Variants in ANO10 observed in about 807,000 individuals in gnomAD.
The protein encoded by ANO10 is anoctamin-10.
A neutral mutation model predicts 74.7 loss-of-function variants in ANO10; 77 were observed. That is an observed-to-expected ratio of 1.03 (90% CI 0.86 to 1.25). The LOEUF (loss-of-function observed/expected upper bound fraction) is 1.25. ANO10 is among the 50% of genes most tolerant of loss of function. ANO10 has a pLI of 0.00. For missense variants in ANO10, 721 were observed against 778.1 expected, an observed-to-expected ratio of 0.93 and a Z score of 0.87; for synonymous variants, 279 against 284.9, an observed-to-expected ratio of 0.98 and a Z score of 0.21.
chr3:43,642,789 T>C (rs2083683411), intron 1 of ANO10, among the ~76,000 whole-genome samples: 1 of 152,158 alleles, frequency 6.6e-6, no homozygotes, highest in South Asian at 2.1e-4. Flanking sequence ...TATAGCATAC[T>C]ATACTAACTT....
intron 2 of ANO10, among the ~76,000 whole-genome samples, chr3:43,604,088 T>A (rs567879915): frequency 6.6e-6 from 1 of 152,184 alleles, no homozygotes; most frequent in African/African-American, 2.4e-5. Context: ...TATTTATTTT[T>A]ATTTTAATTG....
chr3:43,557,506 C>G (rs750690675), intron 9 of ANO10, among the ~76,000 whole-genome samples: 1 of 151,368 alleles, frequency 6.6e-6, no homozygotes, highest in Non-Finnish European at 1.5e-5. Flanking sequence ...GAGGCCGAGG[C>G]GGGTGGATCA....
At chr3:43,425,681 G>A (rs1559531847) in intron 12 of ANO10, among the ~76,000 whole-genome samples, 1 of 152,096 alleles carries the variant, frequency 6.6e-6, no homozygotes, top group Non-Finnish European at 1.5e-5. Context: ...ACCCTTTGTG[G>A]CAGTAAGATA....
At chr3:43,558,039 A>C (rs2079844945) in intron 9 of ANO10, among the ~76,000 whole-genome samples, 1 of 143,270 alleles carries the variant, frequency 7.0e-6, no homozygotes, top group Non-Finnish European at 1.5e-5. Flanking sequence ...TGGGAGGTTG[A>C]GGTTGCAGTG....
intron 11 of ANO10, among the ~76,000 whole-genome samples, chr3:43,495,051 T>C (rs1378860973): frequency 6.6e-6 from 1 of 151,954 alleles, no homozygotes; most frequent in Non-Finnish European, 1.5e-5. Context: ...CAAAACAATA[T>C]GGATTGGCTC....
intron 11 of ANO10, among the ~76,000 whole-genome samples, chr3:43,471,910 C>G (rs1321652861): frequency 6.6e-6 from 1 of 152,030 alleles, no homozygotes. Context: ...CAGTGAAGAT[C>G]ACAAATAAAT....
intron 11 of ANO10, among the ~76,000 whole-genome samples, chr3:43,479,410 T>TGGTCAATC (rs1360936879): frequency 6.6e-6 from 1 of 152,194 alleles, no homozygotes; most frequent in Non-Finnish European, 1.5e-5. Flanking sequence ...ATTCAGAAGT[T>TGGTCAATC]GGTCAATCTA....
In ANO10 at chr3:43,366,414, G is replaced by C. The variant is rs1480266184; in HGVS notation, c.*492C>G. ...GGGTCTGTTAATGTATTGCAAAAGA[G>C]AACCAGGAAAGAGGTCCAGTGTGGG... On this transcript the variant is annotated 3_prime_UTR_variant, in exon 13 of 13. Transcript: ENST00000292246. The C allele has an allele frequency of 4.3e-6, 1 of 232,008 alleles. No individual in the cohort carries two copies. The highest frequency in any genetic ancestry group is 8.6e-6 in the Non-Finnish European group (1 of 115,858). The allele number at this position is 232,008 out of a possible 1,614,324, so 14.4% of individuals were successfully genotyped here.
intron 11 of ANO10, among the ~76,000 whole-genome samples, chr3:43,527,814 G>A (rs1222360585): frequency 6.6e-6 from 1 of 152,092 alleles, no homozygotes; most frequent in Non-Finnish European, 1.5e-5. Context: ...CTAAGAAAAG[G>A]TCTGTGAACT....
chr3:43,401,219 G>A (rs182866117), intron 12 of ANO10, among the ~76,000 whole-genome samples: 39 of 152,250 alleles, frequency 2.6e-4, no homozygotes, highest in African/African-American at 8.4e-4. Context: ...CATTTATGAA[G>A]GACGTGCTAG....
At chr3:43,659,574 A>G (rs1475886394) in intron 1 of ANO10, among the ~76,000 whole-genome samples, 1 of 152,198 alleles carries the variant, frequency 6.6e-6, no homozygotes, top group Non-Finnish European at 1.5e-5. Context: ...GTGGTAGGGA[A>G]GCTGGAACTG....
At chr3:43,558,404 G>C (rs946440616) in intron 9 of ANO10, among the ~76,000 whole-genome samples, 1 of 152,006 alleles carries the variant, frequency 6.6e-6, no homozygotes, top group African/African-American at 2.4e-5. Flanking sequence ...GGACAGCAGA[G>C]GACAGTGAAG....
At chr3:43,417,085 G>A (rs2148904701) in intron 12 of ANO10, among the ~76,000 whole-genome samples, 1 of 152,300 alleles carries the variant, frequency 6.6e-6, no homozygotes. Flanking sequence ...GGCAGATAGG[G>A]TACAGAAGTC....
intron 11 of ANO10, among the ~76,000 whole-genome samples, chr3:43,486,686 G>C (rs1297489828): frequency 2.0e-5 from 3 of 148,552 alleles, no homozygotes; most frequent in Non-Finnish European, 3.0e-5. Flanking sequence ...TTGCTTATCA[G>C]CTTAAGGAGA....
At chr3:43,373,375 A>C (rs2091686239) in intron 12 of ANO10, among the ~76,000 whole-genome samples, 1 of 152,126 alleles carries the variant, frequency 6.6e-6, no homozygotes, top group African/African-American at 2.4e-5. Context: ...CTCCGCCAAG[A>C]AAATCAAATC....
intron 11 of ANO10, among the ~76,000 whole-genome samples, chr3:43,541,568 T>C (rs1006909715): frequency 6.6e-6 from 1 of 152,226 alleles, no homozygotes; most frequent in Non-Finnish European, 1.5e-5. Context: ...AAAGTCCTTA[T>C]AATTATAAAT....
At chr3:43,685,046 C>T (rs987023035) in intron 1 of ANO10, among the ~76,000 whole-genome samples, 10 of 151,916 alleles carry the variant, frequency 6.6e-5, no homozygotes, top group Admixed American at 2.6e-4. Flanking sequence ...CAAACCTGCA[C>T]GTTGTGCACA....
chr3:43,618,859 T>C (rs1196363043), intron 1 of ANO10, among the ~76,000 whole-genome samples: 1 of 152,126 alleles, frequency 6.6e-6, no homozygotes, highest in East Asian at 1.9e-4. Flanking sequence ...TGGAGTGCAG[T>C]GGAGCAATCT....
chr3:43,570,556 C>G (rs1193937083), intron 7 of ANO10, among the ~76,000 whole-genome samples: 1 of 152,156 alleles, frequency 6.6e-6, no homozygotes, highest in African/African-American at 2.4e-5. Flanking sequence ...TGATCTTTGA[C>G]AAACCTCACA....
Sources: gnomAD v4.1 joint callset for allele counts (sites outside exome capture counted in the v4.1 genomes callset) on GRCh38, gnomAD v4.1.1 for gene constraint, MANE v1.5 for transcripts, NCBI Gene and HGNC (gene_info 2026-07-23, HGNC 2026-07-21) for gene names.